PDE10A: variants seen among roughly 807,000 people sequenced by gnomAD.
PDE10A encodes the protein cAMP and cAMP-inhibited cGMP 3',5'-cyclic phosphodiesterase 10A.
Under a neutral mutation model 97.7 loss-of-function variants are expected in PDE10A, and 39 were observed. The observed-to-expected ratio is 0.40, with a 90% CI of 0.31 to 0.52. The LOEUF is 0.52. PDE10A is among the 20% of genes least tolerant of loss of function. PDE10A has a pLI of 0.56. For synonymous variants in PDE10A, 371 were observed against 376.8 expected, an observed-to-expected ratio of 0.98 and a Z score of 0.18; for missense variants, 731 against 1,047.8, an observed-to-expected ratio of 0.70 and a Z score of 4.17.
intron 3 of PDE10A, among the ~76,000 whole-genome samples, chr6:165,467,024 G>C (rs1778695391): frequency 6.6e-6 from 1 of 152,176 alleles, no homozygotes; most frequent in South Asian, 2.1e-4. Context: ...CTAATATGGA[G>C]AAAGATTTGG....
chr6:165,987,007 G>T (rs1376717804), intron 1 of PDE10A, among the ~76,000 whole-genome samples: 1 of 152,056 alleles, frequency 6.6e-6, no homozygotes, highest in Non-Finnish European at 1.5e-5. Flanking sequence ...CGGCAGAGGC[G>T]AGGATCAAAA....
chr6:165,449,610 C>A (rs6904779), intron 4 of PDE10A, among the ~76,000 whole-genome samples: 51,020 of 151,900 alleles, frequency 0.34, 9,480 homozygotes, highest in African/African-American at 0.5. Context: ...AAACAACCTC[C>A]TGAGACCGTA....
chr6:165,328,853 T>C lies in PDE10A; in HGVS notation c.*4172A>G, dbSNP rs998862736. 3.9e-5 allele frequency: 6 copies of C among 152,304 alleles called. No homozygotes were observed. The highest frequency in any genetic ancestry group is 4.1e-4 in the South Asian group (2 of 4,826). The allele number at this position is 152,304 out of a possible 1,614,324, so 9.4% of individuals were successfully genotyped here. A position where few individuals can be genotyped will look rare whatever the true frequency, so the allele number is the denominator to read the frequency against. On this transcript the variant is annotated 3_prime_UTR_variant, in exon 22 of 22. Transcript: ENST00000539869. ...AAAAGACAAAAAAGTGTGCACTGCA[T>C]TGGATATTACTAATTTAAACAATAT...
At chr6:165,688,432 A>G (rs1053647039) in intron 1 of PDE10A, among the ~76,000 whole-genome samples, 1 of 152,204 alleles carries the variant, frequency 6.6e-6, no homozygotes, top group Non-Finnish European at 1.5e-5. Context: ...GGTATAATTG[A>G]CGAAGCCTCA....
intron 1 of PDE10A, among the ~76,000 whole-genome samples, chr6:165,682,211 C>A (rs1009421074): frequency 3.3e-5 from 5 of 152,130 alleles, no homozygotes; most frequent in African/African-American, 1.2e-4. Flanking sequence ...CGGCTCACTG[C>A]AGCCTCAACC....
intron 13 of PDE10A, among the ~76,000 whole-genome samples, chr6:165,412,342 G>A (rs1187216430): frequency 6.6e-6 from 1 of 152,010 alleles, no homozygotes; most frequent in Non-Finnish European, 1.5e-5. Context: ...AAGCTTCTAT[G>A]ATACTTAAAT....
chr6:165,449,124 C>A, intron 4 of PDE10A, 147 bp from the exon 5 acceptor site: 1 of 604,282 alleles, frequency 1.7e-6, no homozygotes, highest in Non-Finnish European at 3.0e-6. Context: ...AACAAAATCA[C>A]TTATGGCTTT....
chr6:165,657,894 G>A (rs140187245), intron 1 of PDE10A, among the ~76,000 whole-genome samples: 21 of 152,296 alleles, frequency 1.4e-4, no homozygotes, highest in African/African-American at 2.6e-4. Context: ...TGGCTCTGCC[G>A]GAAGAAGTCA....
chr6:165,639,074 G>C (rs1004769823), intron 1 of PDE10A, among the ~76,000 whole-genome samples: 1 of 151,108 alleles, frequency 6.6e-6, no homozygotes, highest in African/African-American at 2.4e-5. Context: ...CAGAGAGAGA[G>C]AGAGAGGAAG....
At chr6:165,739,600 C>T (rs1327786516) in intron 1 of PDE10A, among the ~76,000 whole-genome samples, 2 of 150,914 alleles carry the variant, frequency 1.3e-5, no homozygotes, top group Non-Finnish European at 1.5e-5. Flanking sequence ...TTTCATATGA[C>T]CCCAAAATCA....
chr6:165,360,891 C>A (rs764965306), intron 18 of PDE10A, among the ~76,000 whole-genome samples: 65 of 152,262 alleles, frequency 4.3e-4, no homozygotes, highest in Middle Eastern at 3.4e-3. Context: ...TACACCAATG[C>A]TGTCCCCTTT....
At chr6:165,906,449 G>T (rs1191607426) in intron 1 of PDE10A, among the ~76,000 whole-genome samples, 1 of 152,052 alleles carries the variant, frequency 6.6e-6, no homozygotes, top group Non-Finnish European at 1.5e-5. Flanking sequence ...GTCTTTCAAG[G>T]TCCTGTAGAG....
rs964555871 is a variant in PDE10A, at chr6:165,816,752, G to T, written c.-615+170777C>A. ...CCAACACCACCAGAGTGCCCTGGGG[G>T]CTCAGACGGTGGAAAGAGGGAGGAA... is the stretch of plus-strand genomic sequence containing the variant. On this transcript the variant is annotated intron_variant, in intron 1 of 19. Coordinates refer to the PDE10A transcript ENST00000366882. 1.4e-4 allele frequency among the ~76,000 whole-genome samples: 22 copies of T among 152,336 alleles called. 1 individual carries two copies. Among genetic ancestry groups the T allele is most frequent in the Middle Eastern group, 6.8e-3 (2 of 294 alleles).
intron 1 of PDE10A, among the ~76,000 whole-genome samples, chr6:165,547,552 G>A (rs372281727): frequency 1.1e-4 from 16 of 152,134 alleles, no homozygotes; most frequent in East Asian, 7.7e-4. Context: ...AAAGACTGAT[G>A]AATATTTTAG....
chr6:165,382,737 T>TTA (rs143269715), intron 17 of PDE10A, among the ~76,000 whole-genome samples: 8 of 151,126 alleles, frequency 5.3e-5, no homozygotes, highest in Non-Finnish European at 8.8e-5. Context: ...ATAGTGATGA[T>TTA]TGATGATGAT....
At chr6:165,360,122 TG>T (rs1783308321) in intron 18 of PDE10A, among the ~76,000 whole-genome samples, 1 of 152,202 alleles carries the variant, frequency 6.6e-6, no homozygotes, top group Non-Finnish European at 1.5e-5. Context: ...TACTCTATCC[TG>T]TGGTGTGGAC....
intron 1 of PDE10A, among the ~76,000 whole-genome samples, chr6:165,653,652 C>T (rs1789794750): frequency 6.6e-6 from 1 of 152,138 alleles, no homozygotes; most frequent in Non-Finnish European, 1.5e-5. Flanking sequence ...TCCAGAACGC[C>T]CCTCATCAGG....
intron 1 of PDE10A, among the ~76,000 whole-genome samples, chr6:165,685,906 T>C (rs1473930549): frequency 5.3e-5 from 8 of 152,194 alleles, no homozygotes; most frequent in Admixed American, 4.6e-4. Context: ...ACTGATTCAG[T>C]GTTATACAAG....
intron 18 of PDE10A, among the ~76,000 whole-genome samples, chr6:165,366,103 C>A (rs1038103788): frequency 6.6e-6 from 1 of 152,078 alleles, no homozygotes; most frequent in East Asian, 1.9e-4. Flanking sequence ...ATCCATGGAA[C>A]ATGGATACAG....
Sources: gnomAD v4.1 joint callset for allele counts (sites outside exome capture counted in the v4.1 genomes callset) on GRCh38, gnomAD v4.1.1 for gene constraint, MANE v1.5 for transcripts, NCBI Gene and HGNC (gene_info 2026-07-23, HGNC 2026-07-21) for gene names.